SLC6A3: variants seen among roughly 807,000 people sequenced by gnomAD.
SLC6A3 encodes solute carrier family 6 member 3, also known as sodium-dependent dopamine transporter.
SLC6A3 carries 19 observed loss-of-function variants against 70.4 expected under a neutral mutation model. The ratio of observed to expected loss-of-function variants is 0.27; its 90% CI spans 0.19 to 0.40. The LOEUF (loss-of-function observed/expected upper bound fraction) is 0.40, where lower values mean the gene tolerates loss of function less well. SLC6A3 is among the 10% of genes least tolerant of loss of function. The probability of loss-of-function intolerance (pLI) is 1.00; values close to 1 mark genes in which losing one functional copy is unlikely to be tolerated. For missense variants in SLC6A3, 613 were observed against 838.5 expected, an observed-to-expected ratio of 0.73 and a Z score of 3.32; for synonymous variants, 368 against 356.6, an observed-to-expected ratio of 1.03 and a Z score of -0.36.
At position 1,442,293 on chromosome 5, in the gene SLC6A3, A is replaced by G. The variant is rs114614892; in HGVS notation, c.286+619T>C. Among the ~76,000 whole-genome samples, 148 of 152,260 alleles carry G rather than the reference A, an allele frequency of 9.7e-4. No individual in the cohort carries two copies. The highest frequency in any genetic ancestry group is 3.3e-3 in the African/African-American group (136 of 41,560). ...CAGGCATCCTGTGAGGCTTCCCCCCAGATTCTTCCCCAGGCCTCCCTTCCC... is the reference window on the plus strand; with the variant it reads ...CAGGCATCCTGTGAGGCTTCCCCCCGGATTCTTCCCCAGGCCTCCCTTCCC... On this transcript the variant is annotated intron_variant, in intron 2 of 14. Coordinates refer to ENST00000270349, the MANE Select transcript of SLC6A3 (RefSeq NM_001044.5). The surrounding 1 kb of genome is among the most constrained non-coding windows in gnomAD (Gnocchi z 5.0).
intron 14 of SLC6A3, among the ~76,000 whole-genome samples, chr5:1,398,360 C>CAAAAAAAAAAA (rs57135183): frequency 1.4e-5 from 1 of 69,072 alleles, no homozygotes; most frequent in African/African-American, 5.0e-5. Context: ...GACTCCACCT[C>CAAAAAAAAAAA]AAAAAAAAAA....
At chr5:1,439,592 G>A (rs1240830399) in intron 3 of SLC6A3, among the ~76,000 whole-genome samples, 5 of 152,210 alleles carry the variant, frequency 3.3e-5, no homozygotes, top group African/African-American at 9.6e-5. Flanking sequence ...GGAGGTCAGC[G>A]GCTCGCCTCT....
intron 10 of SLC6A3, 30 bp downstream of exon 10, chr5:1,409,691 G>A: frequency 6.2e-7 from 1 of 1,612,396 alleles, no homozygotes; most frequent in African/African-American, 1.3e-5. Context: ...GACATGACCA[G>A]GAGAAGGCGA....
At chr5:1,398,993 A>T (rs113662262) in intron 14 of SLC6A3, among the ~76,000 whole-genome samples, 2 of 152,258 alleles carry the variant, frequency 1.3e-5, no homozygotes, top group African/African-American at 2.4e-5. Context: ...AACCCTACTC[A>T]AATGGACAGA....
rs187410020 is a variant in SLC6A3 at position 1,442,875 on chromosome 5, C to A, written c.286+37G>T. ...CCCGGCTGCCCCTACGACCCCCGCC[C>A]GGCCAGCATGCTCAGGGAGGCTGAG... On this transcript the variant is annotated intron_variant, in intron 2 of 14. Transcript: ENST00000270349. The surrounding 1 kb of genome is among the most constrained non-coding windows in gnomAD (Gnocchi z 5.0). The A allele has an allele frequency of 4.0e-4, 642 of 1,612,202 alleles. 7 individuals are homozygous for A. The African/African-American group carries it at 7.3e-3, about 18-fold the overall frequency.
At position 1,394,414 on chromosome 5, in the gene SLC6A3, A is replaced by T. The variant is rs1021607288; in HGVS notation, c.*321T>A. On this transcript the variant is annotated 3_prime_UTR_variant, in exon 15 of 15. Transcript: ENST00000270349. This position sits in a 1 kb window ranked among gnomAD's most constrained non-coding sequence, Gnocchi z 4.7. The stretch of plus-strand genomic sequence containing the variant: ...CTGGGGCAGCCTCAGAGCCGGGAGC[A>T]GGGAGCAGGGAGGGAGGGAGCCTCA... 5.9e-5 allele frequency: 29 copies of T among 492,822 alleles called. No homozygotes were observed. Among genetic ancestry groups the T allele is most frequent in the South Asian group, 1.4e-4 (6 of 43,778 alleles). 30.5% of individuals were successfully genotyped at this position (492,822 alleles called of 1,614,324 possible).
At chr5:1,443,273 C>T (rs1560929207) in intron 1 of SLC6A3, 31 bp from the exon 2 acceptor site, 12 of 1,529,920 alleles carry the variant, frequency 7.8e-6, no homozygotes, top group South Asian at 2.2e-5. Flanking sequence ...AAACACACAA[C>T]AGGAACGCAA....
At position 1,431,203 on chromosome 5, in the gene SLC6A3, G is replaced by A. The variant is rs565337718; in HGVS notation, c.653+1261C>T. Among the ~76,000 whole-genome samples the A allele has an allele frequency of 2.0e-5, 3 of 152,396 alleles. No individual in the cohort carries two copies. The South Asian group carries it at 6.2e-4, about 32-fold the overall frequency. ...ACCCGCCAGATCCAGATTCCGGGAG[G>A]GGTCCAGGGGAAACAGGGAACCCCT... On this transcript the variant is annotated intron_variant, in intron 4 of 14. Transcript: ENST00000270349.
At position 1,443,189 on chromosome 5, in the gene SLC6A3, C is replaced by T. The variant is rs151324570; in HGVS notation, c.9G>A (p.Lys3=). Residue 3 remains lysine (K), a synonymous_variant, in exon 2 of 15, where the codon AAG becomes AAA. Transcript: ENST00000270349. MS[K]SKCSVGLMSS... ...ACATGAGTCCCACGGAGCATTTGCTCTTACTCATGGGCACACTGGGAGTTG... is the reference window on the plus strand; with the variant it reads ...ACATGAGTCCCACGGAGCATTTGCTTTTACTCATGGGCACACTGGGAGTTG... 1 of 1,614,128 alleles carries T rather than the reference C, an allele frequency of 6.2e-7. No individual in the cohort carries two copies. Among genetic ancestry groups the T allele is most frequent in the African/African-American group, 1.3e-5 (1 of 74,954 alleles).
At chr5:1,433,743 T>C (rs1490483937) in intron 3 of SLC6A3, among the ~76,000 whole-genome samples, 3 of 133,770 alleles carry the variant, frequency 2.2e-5, no homozygotes, top group South Asian at 4.9e-4. Flanking sequence ...CCACAACCAT[T>C]CATGGCCACC....
Position 1,394,357 on chromosome 5 carries a change from G to GATC in SLC6A3, c.*375_*377dup. 1 of 419,152 alleles carries GATC rather than the reference G, an allele frequency of 2.4e-6. No individual in the cohort carries two copies. The highest frequency in any genetic ancestry group is 4.6e-5 in the East Asian group (1 of 21,542). 26.0% of individuals were successfully genotyped at this position (419,152 alleles called of 1,614,324 possible). The stretch of plus-strand genomic sequence containing the variant: ...GATTCTCAGCAGGTGCGTCTACAAG[G>GATC]ATCGTGATCCCCGCCTGAGAACACA... On this transcript the variant is annotated 3_prime_UTR_variant, in exon 15 of 15. Coordinates refer to ENST00000270349, the MANE Select transcript of SLC6A3 (RefSeq NM_001044.5). The surrounding 1 kb of genome is among the most constrained non-coding windows in gnomAD (Gnocchi z 4.7).
At chr5:1,409,254 A>G in intron 10 of SLC6A3, 129 bp from the exon 11 acceptor site, 1 of 739,162 alleles carries the variant, frequency 1.4e-6, no homozygotes, top group Non-Finnish European at 2.4e-6. Context: ...CTAAAATTCA[A>G]CCCACATGCA....
Position 1,408,294 on chromosome 5 carries a change from G to C in SLC6A3, c.1498+732C>G, listed in dbSNP as rs1023596381. On this transcript the variant is annotated intron_variant, in intron 11 of 14. Coordinates refer to ENST00000270349, the MANE Select transcript of SLC6A3 (RefSeq NM_001044.5). The surrounding 1 kb of genome is among the most constrained non-coding windows in gnomAD (Gnocchi z 6.4). ...CTTGATCTCGTGATCTGCCCACCTC[G>C]GCCTCCCAAAGTGCTGGGATTACAG... 6.7e-6 allele frequency among the ~76,000 whole-genome samples: 1 copy of C among 150,158 alleles called. No individual in the cohort carries two copies. The highest frequency in any genetic ancestry group is 1.5e-5 in the Non-Finnish European group (1 of 67,842).
chr5:1,400,351 T>C (rs1436807627), intron 14 of SLC6A3, among the ~76,000 whole-genome samples: 1 of 152,206 alleles, frequency 6.6e-6, no homozygotes, highest in Non-Finnish European at 1.5e-5. Context: ...GTTTACTGTG[T>C]GCCCCCGGGA....
At position 1,406,221 on chromosome 5, in the gene SLC6A3, C is replaced by T. The variant is rs751989352; in HGVS notation, c.1566G>A (p.Leu522=). ...TGQRPSLYWR[L]CWKLVSPCFL... ...AGCAGGGGCTGACCAGCTTCCAGCA[C>T]AGCCGCCAGTACAGGCTGGGCCGCT... The change falls in exon 12 of 15, where the codon CTG becomes CTA. Residue 522 remains leucine (L), a synonymous_variant. Coordinates refer to ENST00000270349, the MANE Select transcript of SLC6A3 (RefSeq NM_001044.5). The surrounding 1 kb of genome is among the most constrained non-coding windows in gnomAD (Gnocchi z 8.8). The T allele has an allele frequency of 3.7e-6, 6 of 1,612,958 alleles. No individual in the cohort carries two copies. Among genetic ancestry groups the T allele is most frequent in the Non-Finnish European group, 5.1e-6 (6 of 1,179,980 alleles).
rs1193317743 is a variant in SLC6A3, at chr5:1,406,729, G to A, written c.1499-441C>T. Among the ~76,000 whole-genome samples the A allele has an allele frequency of 6.6e-6, 1 of 152,012 alleles. No homozygotes were observed. The highest frequency in any genetic ancestry group is 1.5e-5 in the Non-Finnish European group (1 of 67,988). Reference sequence around the variant, plus strand: ...CAATACATTCACATACTGTGTAACCGTCACCACCGTCCATCTTCAGAACTC... The same window carrying A: ...CAATACATTCACATACTGTGTAACCATCACCACCGTCCATCTTCAGAACTC... On this transcript the variant is annotated intron_variant, in intron 11 of 14. Coordinates refer to ENST00000270349, the MANE Select transcript of SLC6A3 (RefSeq NM_001044.5). This position sits in a 1 kb window ranked among gnomAD's most constrained non-coding sequence, Gnocchi z 8.8.
In SLC6A3 at chr5:1,408,370, C is replaced by T. The variant is rs1329945430; in HGVS notation, c.1498+656G>A. Among the ~76,000 whole-genome samples the T allele has an allele frequency of 3.3e-5, 5 of 152,096 alleles. No homozygotes were observed. The highest frequency in any genetic ancestry group is 2.1e-4 in the South Asian group (1 of 4,826). On this transcript the variant is annotated intron_variant, in intron 11 of 14. Transcript: ENST00000270349. The surrounding 1 kb of genome is among the most constrained non-coding windows in gnomAD (Gnocchi z 6.4). Reference sequence around the variant, plus strand: ...ACATTCATGGCGAGATGCCCTGGCTCGGCCTCGCCACTTCCCTGGAAGTGA... The same window carrying T: ...ACATTCATGGCGAGATGCCCTGGCTTGGCCTCGCCACTTCCCTGGAAGTGA...
At chr5:1,412,678 A>G (rs28363091) in intron 8 of SLC6A3, among the ~76,000 whole-genome samples, 2 of 152,198 alleles carry the variant, frequency 1.3e-5, no homozygotes, top group Admixed American at 1.3e-4. Context: ...ACTGGCTGGC[A>G]CCATCTCCCA....
At chr5:1,416,379 C>T in intron 6 of SLC6A3, 178 bp from the exon 7 acceptor site, 1 of 655,958 alleles carries the variant, frequency 1.5e-6, no homozygotes. Context: ...GTGAACCCTC[C>T]CGGGCCAGCG....
Sources: allele counts gnomAD v4.1 joint callset (sites outside exome capture counted in the v4.1 genomes callset), GRCh38; gene constraint gnomAD v4.1.1; non-coding constraint Gnocchi (gnomAD v3.1); transcripts MANE v1.5; gene names NCBI Gene and HGNC (gene_info 2026-07-23, HGNC 2026-07-21).